NUMB: variants seen among roughly 807,000 people sequenced by gnomAD.
The protein encoded by NUMB is protein numb homolog.
In NUMB, 29 loss-of-function variants were observed where a neutral mutation model predicts 59.7. That is an observed-to-expected ratio of 0.49 (90% CI 0.36 to 0.66). The LOEUF is 0.66. NUMB is among the 30% of genes least tolerant of loss of function. NUMB has a pLI of 0.00. For missense variants in NUMB, 723 were observed against 822.0 expected (o/e 0.88, Z 1.47); for synonymous variants, 288 against 288.2 (o/e 1.00, Z 0.01).
At chr14:73,291,831 G>A (rs1889420974) in intron 8 of NUMB, among the ~76,000 whole-genome samples, 1 of 151,512 alleles carries the variant, frequency 6.6e-6, no homozygotes, top group Non-Finnish European at 1.5e-5. Context: ...CTACAGGCAT[G>A]CACCACCACG....
intron 1 of NUMB, among the ~76,000 whole-genome samples, chr14:73,445,701 T>C (rs1236056676): frequency 6.6e-6 from 1 of 152,192 alleles, no homozygotes; most frequent in African/African-American, 2.4e-5. Flanking sequence ...TAACTTTACA[T>C]GGATTATCTC....
At chr14:73,341,328 G>C (rs562640825) in intron 4 of NUMB, among the ~76,000 whole-genome samples, 1 of 152,036 alleles carries the variant, frequency 6.6e-6, no homozygotes, top group Admixed American at 6.6e-5. Context: ...ACCAACAGTA[G>C]AACTAAAAAT....
chr14:73,352,441 CACACACACACACACACAT>C (rs1253530234), intron 4 of NUMB, among the ~76,000 whole-genome samples: 76 of 48,060 alleles, frequency 1.6e-3, no homozygotes, highest in Non-Finnish European at 2.2e-3. Flanking sequence ...TATACACACA[CACACACACACACACACAT>C]ACACACACAC....
chr14:73,419,636 G>C (rs539991583), intron 1 of NUMB, among the ~76,000 whole-genome samples: 1 of 152,112 alleles, frequency 6.6e-6, no homozygotes. Context: ...TGAATATGCA[G>C]TTTATGGTCA....
chr14:73,400,050 C>CA (rs1036753123), intron 2 of NUMB, among the ~76,000 whole-genome samples: 43 of 147,990 alleles, frequency 2.9e-4, no homozygotes, highest in African/African-American at 6.2e-4. Flanking sequence ...AAAACAAAAA[C>CA]AAAAAAAAAC....
At chr14:73,318,999 C>T (rs925701152) in intron 5 of NUMB, among the ~76,000 whole-genome samples, 112 of 152,270 alleles carry the variant, frequency 7.4e-4, no homozygotes, top group African/African-American at 2.4e-3. Flanking sequence ...GAAGGCTGGG[C>T]GCAGTGGCTC....
At chr14:73,315,158 C>G (rs1042546094) in intron 6 of NUMB, among the ~76,000 whole-genome samples, 4 of 151,846 alleles carry the variant, frequency 2.6e-5, no homozygotes, top group African/African-American at 7.3e-5. Context: ...CAAGTTAGAA[C>G]AAGAAAATGC....
chr14:73,389,092 C>T (rs374174240), intron 2 of NUMB, among the ~76,000 whole-genome samples: 72 of 105,396 alleles, frequency 6.8e-4, no homozygotes, highest in African/African-American at 2.9e-3. Flanking sequence ...GAGCAAGACT[C>T]TGCCTTAAAA....
At chr14:73,396,165 C>A (rs1896121072) in intron 2 of NUMB, among the ~76,000 whole-genome samples, 1 of 152,140 alleles carries the variant, frequency 6.6e-6, no homozygotes, top group Admixed American at 6.6e-5. Flanking sequence ...TCACTGTAAC[C>A]TCAAACTCCT....
intron 3 of NUMB, among the ~76,000 whole-genome samples, chr14:73,356,436 A>T (rs985140267): frequency 6.6e-6 from 1 of 152,186 alleles, no homozygotes; most frequent in Non-Finnish European, 1.5e-5. Flanking sequence ...TGAGGTCAGG[A>T]GCTGAAGACC....
intron 6 of NUMB, among the ~76,000 whole-genome samples, chr14:73,315,167 G>A (rs902238582): frequency 2.0e-5 from 3 of 152,092 alleles, no homozygotes; most frequent in Admixed American, 1.3e-4. Context: ...ACAAGAAAAT[G>A]CAAAAATGAG....
intron 4 of NUMB, among the ~76,000 whole-genome samples, chr14:73,345,900 CTT>C (rs1035183083): frequency 5.3e-5 from 8 of 151,420 alleles, no homozygotes; most frequent in Non-Finnish European, 1.2e-4. Context: ...AAGAACGAGA[CTT>C]CATCTCAAAA....
In NUMB at chr14:73,295,059, CAAAAAAAA is replaced by C. The variant is rs1168287763; in HGVS notation, c.309+2144_309+2151del. ...TGGGTGACAGTATAAGGCACTGTCT[CAAAAAAAA>C]AAAAAAAAAAAAAAAGGTAGGAACA... is the stretch of plus-strand genomic sequence containing the variant. On this transcript the variant is annotated intron_variant, in intron 7 of 12. Coordinates refer to ENST00000555238, the MANE Select transcript of NUMB (RefSeq NM_001005743.2). 8.2e-3 allele frequency among the ~76,000 whole-genome samples: 554 copies of C among 67,188 alleles called. 3 individuals are homozygous for C. The highest frequency in any genetic ancestry group is 0.066 in the South Asian group (104 of 1,566). 44.1% of individuals were successfully genotyped at this position (67,188 alleles called of 152,430 possible).
At chr14:73,414,748 C>A (rs1301554650) in intron 1 of NUMB, among the ~76,000 whole-genome samples, 2 of 152,094 alleles carry the variant, frequency 1.3e-5, no homozygotes, top group Admixed American at 1.3e-4. Context: ...GAGACTGAGT[C>A]TCGCTCTGTT....
intron 12 of NUMB, among the ~76,000 whole-genome samples, chr14:73,278,558 G>GT (rs1236661431): frequency 1.3e-5 from 2 of 151,418 alleles, no homozygotes; most frequent in Non-Finnish European, 2.9e-5. Context: ...ATTAATAGAT[G>GT]TTTTTTATAC....
At chr14:73,302,573 A>T (rs1285846194) in intron 6 of NUMB, among the ~76,000 whole-genome samples, 6 of 151,596 alleles carry the variant, frequency 4.0e-5, no homozygotes, top group African/African-American at 7.3e-5. Context: ...CACCCAGCTA[A>T]TTTTTTTGTA....
intron 1 of NUMB, among the ~76,000 whole-genome samples, chr14:73,453,590 C>A (rs929759445): frequency 6.6e-6 from 1 of 151,356 alleles, no homozygotes; most frequent in African/African-American, 2.4e-5. Flanking sequence ...TAATATGTTA[C>A]ATTACTAAAA....
At chr14:73,405,992 C>T (rs1896645700) in intron 2 of NUMB, among the ~76,000 whole-genome samples, 1 of 152,114 alleles carries the variant, frequency 6.6e-6, no homozygotes, top group Non-Finnish European at 1.5e-5. Context: ...ATCTGAATAA[C>T]ACTGCCAAAG....
chr14:73,429,237 T>C (rs1002200985), intron 1 of NUMB, among the ~76,000 whole-genome samples: 1 of 152,066 alleles, frequency 6.6e-6, no homozygotes, highest in African/African-American at 2.4e-5. Flanking sequence ...CCGGGCGTGG[T>C]GGCGAGCACC....
Sources: gnomAD v4.1 joint callset for allele counts (sites outside exome capture counted in the v4.1 genomes callset) on GRCh38, gnomAD v4.1.1 for gene constraint, MANE v1.5 for transcripts, NCBI Gene and HGNC (gene_info 2026-07-23, HGNC 2026-07-21) for gene names.